Variants in HNRNPH3 observed in about 807,000 individuals in gnomAD.
The protein encoded by HNRNPH3 is heterogeneous nuclear ribonucleoprotein H3.
In HNRNPH3, 7 loss-of-function variants were observed where a neutral mutation model predicts 47.0. That is an observed-to-expected ratio of 0.15 (90% confidence interval 0.08 to 0.28). The LOEUF is 0.28. Ranked by LOEUF, HNRNPH3 falls within the 10% of genes least tolerant of loss-of-function variation. HNRNPH3 has a pLI of 1.00. For synonymous variants in HNRNPH3, 120 were observed against 143.2 expected (o/e 0.84, Z 1.16); for missense variants, 279 against 449.6 (o/e 0.62, Z 3.43).
chr10:68,332,479 T>C (rs2045207289), intron 1 of HNRNPH3, among the ~76,000 whole-genome samples: 1 of 152,240 alleles, frequency 6.6e-6, no homozygotes. Flanking sequence ...TTTTCCCCTT[T>C]CCCTGCTGGC....
chr10:68,342,053 G>A lies in HNRNPH3; in HGVS notation c.1040G>A (p.Ter347=). The change falls in exon 10 of 10, where the codon TGA becomes TAA. Residue 347 remains the stop codon, a stop_retained_variant. Coordinates refer to ENST00000265866, the MANE Select transcript of HNRNPH3 (RefSeq NM_012207.3). ...GGAGGTGGATGGCGTGGGATGTACT[G>A]AAAGCAAAAACACCAACATACAAGT... The part of the protein sequence containing the change: ...MSGGGWRGMY[*] 1.2e-6 allele frequency: 2 copies of A among 1,611,460 alleles called. No homozygotes were observed. The highest frequency in any genetic ancestry group is 1.7e-6 in the Non-Finnish European group (2 of 1,178,802).
At chr10:68,334,221 GTTAAAC>G (rs1324900092) in intron 1 of HNRNPH3, among the ~76,000 whole-genome samples, 1 of 152,266 alleles carries the variant, frequency 6.6e-6, no homozygotes, top group South Asian at 2.1e-4. Context: ...TAAATTTTCT[GTTAAAC>G]TTAAATCATC....
chr10:68,343,032 AG>A lies in HNRNPH3; in HGVS notation c.*980del, dbSNP rs2134824680. 6.6e-6 allele frequency: 1 copy of A among 152,332 alleles called. No homozygotes were observed. Among genetic ancestry groups the A allele is most frequent in the East Asian group, 1.9e-4 (1 of 5,194 alleles). The allele number at this position is 152,332 out of a possible 1,614,324, so 9.4% of individuals were successfully genotyped here. ...TAGTTTAAAGAATCTATATGTAGCA[AG>A]GAAAAGGTGCTTTTTAATTTTAATC... is the stretch of plus-strand genomic sequence containing the variant. On this transcript the variant is annotated 3_prime_UTR_variant, in exon 10 of 10. Coordinates refer to ENST00000265866, the MANE Select transcript of HNRNPH3 (RefSeq NM_012207.3).
chr10:68,335,235 C>CTTTTTTTTTTT (rs72408822), intron 1 of HNRNPH3, among the ~76,000 whole-genome samples: 2 of 136,760 alleles, frequency 1.5e-5, no homozygotes, highest in Non-Finnish European at 3.2e-5. Flanking sequence ...TTTTTCTTTT[C>CTTTTTTTTTTT]TTTTTTTTTT....
chr10:68,341,733 ATT>A, intron 8 of HNRNPH3, 24 bp from the exon 9 acceptor site: 1 of 1,584,856 alleles, frequency 6.3e-7, no homozygotes. Flanking sequence ...ATGAGTCTCA[ATT>A]TTTTTTCTTT....
intron 5 of HNRNPH3, 76 bp downstream of exon 5, chr10:68,339,302 T>C (rs972090486): frequency 3.2e-6 from 5 of 1,574,212 alleles, no homozygotes; most frequent in African/African-American, 2.7e-5. Flanking sequence ...AGTGGTAATA[T>C]AGGAAACTTG....
intron 4 of HNRNPH3, 94 bp from the exon 5 acceptor site, chr10:68,339,046 C>T (rs2045682016): frequency 2.0e-6 from 2 of 995,228 alleles, no homozygotes; most frequent in African/African-American, 1.6e-5. Flanking sequence ...AATCAAGTTA[C>T]ACAGACTGTT....
At chr10:68,338,077 C>A in intron 3 of HNRNPH3, 81 bp downstream of exon 3, 1 of 1,063,480 alleles carries the variant, frequency 9.4e-7, no homozygotes, top group South Asian at 2.2e-5. Context: ...GGGGGGGTAG[C>A]CATAACATTT....
Position 68,342,781 on chromosome 10 carries a change from T to C in HNRNPH3, c.*727T>C, listed in dbSNP as rs1325417056. 1 of 152,608 alleles carries C rather than the reference T, an allele frequency of 6.6e-6. No individual in the cohort carries two copies. Among genetic ancestry groups the C allele is most frequent in the Admixed American group, 6.5e-5 (1 of 15,270 alleles). The allele number at this position is 152,608 out of a possible 1,614,324, so 9.5% of individuals were successfully genotyped here. On this transcript the variant is annotated 3_prime_UTR_variant, in exon 10 of 10. Coordinates refer to ENST00000265866, the MANE Select transcript of HNRNPH3 (RefSeq NM_012207.3). ...TAGTTGCAGGTTATCGCAAGATGTCTTAGAGTAGGGTTAAGGTTCTCAGTG... is the reference window on the plus strand; with the variant it reads ...TAGTTGCAGGTTATCGCAAGATGTCCTAGAGTAGGGTTAAGGTTCTCAGTG...
At chr10:68,341,040 T>C in intron 6 of HNRNPH3, 134 bp from the exon 7 acceptor site, 1 of 606,158 alleles carries the variant, frequency 1.6e-6, no homozygotes, top group Non-Finnish European at 2.8e-6. Context: ...ACAGAACCTC[T>C]GTAGTTGACT....
chr10:68,338,749 C>A, intron 4 of HNRNPH3, 62 bp downstream of exon 4: 1 of 1,328,428 alleles, frequency 7.5e-7, no homozygotes, highest in Non-Finnish European at 1.0e-6. Context: ...GACACTTTGT[C>A]AAGAAATACA....
rs1012664676 is a variant in HNRNPH3 at position 68,343,059 on chromosome 10, C to T, written c.*1005C>T. ...GAAAAGGTGCTTTTTAATTTTAATCCCTTTGATCAATATGGCTTTTTTCCA... is the reference window on the plus strand; with the variant it reads ...GAAAAGGTGCTTTTTAATTTTAATCTCTTTGATCAATATGGCTTTTTTCCA... On this transcript the variant is annotated 3_prime_UTR_variant, in exon 10 of 10. Transcript: ENST00000265866. The T allele has an allele frequency of 3.9e-5, 6 of 152,070 alleles. No individual in the cohort carries two copies. The highest frequency in any genetic ancestry group is 1.4e-4 in the African/African-American group (6 of 41,416). 9.4% of individuals were successfully genotyped at this position (152,070 alleles called of 1,614,324 possible).
rs370095589 is a variant in HNRNPH3 at position 68,341,761 on chromosome 10, A to G, written c.874A>G (p.Asn292Asp). The G allele has an allele frequency of 6.2e-7, 1 of 1,600,270 alleles. No homozygotes were observed. The highest frequency in any genetic ancestry group is 1.4e-5 in the African/African-American group (1 of 73,744). The change falls in exon 9 of 10, where the codon AAT (asparagine) becomes GAT (aspartate). Residue 292 changes from asparagine to aspartate, a missense_variant and splice_region_variant. Physicochemically the swap from Asn to Asp is conservative, Grantham distance 23. Transcript: ENST00000265866. ...TTTTTTCTTTTTTCTTTTTAAAGAT[A>G]ATCAGGGAGGCTATGGATCAGTTGG... ...MGGYGRDGMD[N>D]QGGYGSVGRM...
rs1453347737 is a variant in HNRNPH3 at position 68,332,228 on chromosome 10, A to C, written c.-24+12A>C. ...TATCGCCTGACAGGGTATCTGAAGTAAAAGGGGGTAGGTTGGGCTGGTGGT... is the reference window on the plus strand; with the variant it reads ...TATCGCCTGACAGGGTATCTGAAGTCAAAGGGGGTAGGTTGGGCTGGTGGT... On this transcript the variant is annotated intron_variant, in intron 1 of 9. Transcript: ENST00000265866. The C allele has an allele frequency of 6.6e-6, 1 of 152,292 alleles. No homozygotes were observed. The highest frequency in any genetic ancestry group is 1.5e-5 in the Non-Finnish European group (1 of 68,104). 9.4% of individuals were successfully genotyped at this position (152,292 alleles called of 1,614,324 possible). A position where few individuals can be genotyped will look rare whatever the true frequency, so the allele number is the denominator to read the frequency against.
intron 4 of HNRNPH3, 57 bp from the exon 5 acceptor site, chr10:68,339,083 T>C: frequency 4.4e-6 from 6 of 1,351,586 alleles, no homozygotes; most frequent in South Asian, 1.3e-5. Flanking sequence ...GTAAACTAAA[T>C]TATAAAATTT....
At position 68,338,642 on chromosome 10, in the gene HNRNPH3, A is replaced by G. The variant is rs1227993324; in HGVS notation, c.391A>G (p.Ser131Gly). 2 of 1,611,942 alleles carry G rather than the reference A, an allele frequency of 1.2e-6. No homozygotes were observed. Among genetic ancestry groups the G allele is most frequent in the Non-Finnish European group, 1.7e-6 (2 of 1,179,052 alleles). Residue 131 changes from serine (S) to glycine (G), a missense_variant, in exon 4 of 10, where the codon AGT becomes GGT. Coordinates refer to ENST00000265866, the MANE Select transcript of HNRNPH3 (RefSeq NM_012207.3). ...RGGYYGAGRG[S>G]MYDRMRRGGD... ...GGGTTATTATGGAGCTGGGCGTGGA[A>G]GTATGTATGACAGAATGCGACGAGG...
chr10:68,340,519 C>T (rs751607424), intron 6 of HNRNPH3, among the ~76,000 whole-genome samples: 4 of 152,176 alleles, frequency 2.6e-5, no homozygotes, highest in African/African-American at 4.8e-5. Context: ...TAAATCCGGT[C>T]ACACCATTCC....
chr10:68,334,017 G>A (rs1382151838), intron 1 of HNRNPH3, among the ~76,000 whole-genome samples: 1 of 152,074 alleles, frequency 6.6e-6, no homozygotes, highest in Non-Finnish European at 1.5e-5. Context: ...GCCGTTATCT[G>A]GAAATCCATC....
intron 6 of HNRNPH3, 118 bp downstream of exon 6, chr10:68,339,673 T>C: frequency 1.5e-6 from 1 of 650,352 alleles, no homozygotes; most frequent in South Asian, 1.9e-5. Context: ...AATATAAAAA[T>C]AGATCTACCT....
Sources: allele counts gnomAD v4.1 joint callset (sites outside exome capture counted in the v4.1 genomes callset), GRCh38; gene constraint gnomAD v4.1.1; transcripts MANE v1.5; gene names NCBI Gene and HGNC (gene_info 2026-07-23, HGNC 2026-07-21).